Variants in MYH10 observed in about 807,000 individuals in gnomAD.
The protein encoded by MYH10 is myosin heavy chain 10, also known as myosin-10.
Under a neutral mutation model 257.8 loss-of-function variants are expected in MYH10, and 55 were observed. The ratio of observed to expected loss-of-function variants is 0.21; its 90% CI spans 0.17 to 0.27. The LOEUF (loss-of-function observed/expected upper bound fraction) is 0.27. Among genes scored for constraint, MYH10 ranks in the 10% least tolerant of loss-of-function variants. The probability of loss-of-function intolerance (pLI) is 1.00; values close to 1 mark genes in which losing one functional copy is unlikely to be tolerated. For missense variants in MYH10, 1,631 were observed against 2,500.6 expected, an observed-to-expected ratio of 0.65 and a Z score of 7.42; for synonymous variants, 854 against 921.7, an observed-to-expected ratio of 0.93 and a Z score of 1.33.
Position 8,490,599 on chromosome 17 carries a change from A to G in MYH10, c.4672-47T>C, listed in dbSNP as rs754772552. On this transcript the variant is annotated intron_variant, in intron 34 of 42. Transcript: ENST00000360416. The surrounding 1 kb of genome is among the most constrained non-coding windows in gnomAD (Gnocchi z 4.1). Reference sequence around the variant, plus strand: ...AAAGAGTTGACCGGGGTGGAGGCACATATGAAGAACAGCAGTCTTACTGTT... The same window carrying G: ...AAAGAGTTGACCGGGGTGGAGGCACGTATGAAGAACAGCAGTCTTACTGTT... The G allele has an allele frequency of 1.8e-5, 28 of 1,580,918 alleles. No homozygotes were observed. The highest frequency in any genetic ancestry group is 2.4e-5 in the Non-Finnish European group (28 of 1,150,492).
intron 40 of MYH10, among the ~76,000 whole-genome samples, chr17:8,479,256 C>T (rs1913247206): frequency 7.9e-6 from 1 of 125,994 alleles, no homozygotes; most frequent in Non-Finnish European, 1.8e-5. Flanking sequence ...AAACAAACCC[C>T]CTACACTCCC....
intron 7 of MYH10, among the ~76,000 whole-genome samples, chr17:8,563,049 C>T (rs1195929274): frequency 1.3e-5 from 2 of 152,156 alleles, no homozygotes; most frequent in African/African-American, 2.4e-5. Context: ...ATATTTTCCC[C>T]CTTCTTAATT....
At chr17:8,600,374 T>C (rs957745090) in intron 3 of MYH10, among the ~76,000 whole-genome samples, 5 of 152,116 alleles carry the variant, frequency 3.3e-5, no homozygotes, top group Middle Eastern at 3.2e-3. Context: ...AAGAACACAT[T>C]TAGGAGATTG....
At chr17:8,597,392 ATTAT>A (rs953817092) in intron 3 of MYH10, among the ~76,000 whole-genome samples, 3 of 151,504 alleles carry the variant, frequency 2.0e-5, no homozygotes, top group African/African-American at 7.3e-5. Flanking sequence ...CTTATTAATA[ATTAT>A]TTATATACTT....
intron 7 of MYH10, among the ~76,000 whole-genome samples, chr17:8,557,930 C>T (rs1392496817): frequency 1.3e-5 from 2 of 152,186 alleles, no homozygotes; most frequent in Non-Finnish European, 2.9e-5. Flanking sequence ...AGCCTAGATA[C>T]TGATTTTATG....
intron 39 of MYH10, 34 bp from the exon 40 acceptor site, chr17:8,480,352 C>T: frequency 6.2e-7 from 1 of 1,613,140 alleles, no homozygotes; most frequent in South Asian, 1.1e-5. Flanking sequence ...TCACTTGTGC[C>T]TGAGGGGTGG....
intron 10 of MYH10, 92 bp from the exon 11 acceptor site, chr17:8,548,500 T>C: frequency 1.4e-6 from 2 of 1,384,136 alleles, no homozygotes; most frequent in East Asian, 4.6e-5. Flanking sequence ...AAATTAGCTA[T>C]ACAAAACTTT....
intron 17 of MYH10, among the ~76,000 whole-genome samples, chr17:8,524,490 A>G (rs11658316): frequency 0.46 from 58,060 of 125,336 alleles, 14,583 homozygotes; most frequent in Middle Eastern, 0.59. Flanking sequence ...AAAAAAAAAA[A>G]AAGGATATGG....
intron 21 of MYH10, among the ~76,000 whole-genome samples, chr17:8,518,274 C>T (rs2081539535): frequency 6.6e-6 from 1 of 152,074 alleles, no homozygotes; most frequent in South Asian, 2.1e-4. Context: ...GCTGGGACTA[C>T]AGGCGCATGC....
chr17:8,520,428 G>A (rs757587066), intron 19 of MYH10, among the ~76,000 whole-genome samples: 1 of 152,062 alleles, frequency 6.6e-6, no homozygotes, highest in Non-Finnish European at 1.5e-5. Flanking sequence ...CCTGGGAGGC[G>A]GAGGTTGCAG....
intron 4 of MYH10, among the ~76,000 whole-genome samples, chr17:8,581,677 G>A (rs887847982): frequency 2.6e-5 from 4 of 151,914 alleles, no homozygotes; most frequent in African/African-American, 9.7e-5. Flanking sequence ...TATAAAATGG[G>A]GATAATAGCT....
At chr17:8,523,831 A>G (rs1288307175) in intron 17 of MYH10, among the ~76,000 whole-genome samples, 1 of 152,220 alleles carries the variant, frequency 6.6e-6, no homozygotes, top group Admixed American at 6.5e-5. Context: ...AAAGTGAGGC[A>G]GAGGAGCATT....
chr17:8,499,138 A>G lies in MYH10; in HGVS notation c.3951+132T>C, dbSNP rs1020976123. On this transcript the variant is annotated intron_variant, in intron 30 of 42. Transcript: ENST00000360416. Reference sequence around the variant, plus strand: ...ACTAGGGACACCTAAGACTCGATGTATTTACTGGATAGCAATTTTCAGGTG... The same window carrying G: ...ACTAGGGACACCTAAGACTCGATGTGTTTACTGGATAGCAATTTTCAGGTG... 3 of 766,416 alleles carry G rather than the reference A, an allele frequency of 3.9e-6. No homozygotes were observed. In the Admixed American group the frequency reaches 7.2e-5, roughly 18 times the overall value. 47.5% of individuals were successfully genotyped at this position (766,416 alleles called of 1,614,324 possible).
In MYH10 at chr17:8,548,699, GA is replaced by G; in HGVS notation, c.1007del (p.Phe336SerfsTer10). 6.2e-7 allele frequency: 1 copy of G among 1,614,056 alleles called. No homozygotes were observed. Among genetic ancestry groups the G allele is most frequent in the Non-Finnish European group, 8.5e-7 (1 of 1,179,960 alleles). On this transcript the variant is annotated frameshift_variant, in exon 10 of 43. Coordinates refer to ENST00000360416, the MANE Select transcript of MYH10 (RefSeq NM_001256012.3). LOFTEE classifies it high-confidence loss of function. ...TGTGCATTGCTTCCATGGTCTCCTG[GA>G]AATTATCTTTGTCTTGCTGTCCCGG... ...PIPGQQDKDN[F>X]QETMEAMHIM...
intron 24 of MYH10, among the ~76,000 whole-genome samples, chr17:8,511,621 A>C (rs2081299879): frequency 6.6e-6 from 1 of 152,266 alleles, no homozygotes; most frequent in African/African-American, 2.4e-5. Flanking sequence ...GTTCAAGAGT[A>C]ACTTCGGCTA....
intron 21 of MYH10, among the ~76,000 whole-genome samples, chr17:8,514,628 C>T (rs2081406027): frequency 6.6e-6 from 1 of 151,388 alleles, no homozygotes; most frequent in African/African-American, 2.4e-5. Context: ...ACCCTCAACC[C>T]CCCTCCTGCC....
rs2082410565 is a variant in MYH10 at position 8,545,326 on chromosome 17, A to G, written c.1431+122T>C. Reference sequence around the variant, plus strand: ...TATTTGCCATTTATTGTTTGGCTCTACTAGAATGGCAGGGACTGTATCCCT... The same window carrying G: ...TATTTGCCATTTATTGTTTGGCTCTGCTAGAATGGCAGGGACTGTATCCCT... On this transcript the variant is annotated intron_variant, in intron 13 of 42. Transcript: ENST00000360416. The surrounding 1 kb of genome is among the most constrained non-coding windows in gnomAD (Gnocchi z 4.7). 1.9e-6 allele frequency: 2 copies of G among 1,061,556 alleles called. No individual in the cohort carries two copies. The highest frequency in any genetic ancestry group is 2.8e-6 in the Non-Finnish European group (2 of 726,426). 65.8% of individuals were successfully genotyped at this position (1,061,556 alleles called of 1,614,324 possible).
At chr17:8,478,245 G>T (rs1222068249) in intron 41 of MYH10, 93 bp downstream of exon 41, 1 of 1,066,600 alleles carries the variant, frequency 9.4e-7, no homozygotes, top group Non-Finnish European at 1.4e-6. Flanking sequence ...GAATCGGGAG[G>T]GCCCTGAATT....
chr17:8,625,604 C>T (rs1247903414), intron 1 of MYH10, among the ~76,000 whole-genome samples: 1 of 152,056 alleles, frequency 6.6e-6, no homozygotes, highest in African/African-American at 2.4e-5. Flanking sequence ...CTCAGCCTCC[C>T]AAGTAGCTGG....
Sources: allele counts gnomAD v4.1 joint callset (sites outside exome capture counted in the v4.1 genomes callset), GRCh38; gene constraint gnomAD v4.1.1; non-coding constraint Gnocchi (gnomAD v3.1); transcripts MANE v1.5; gene names NCBI Gene and HGNC (gene_info 2026-07-23, HGNC 2026-07-21).